Variants in SLMAP observed in about 807,000 individuals in gnomAD.
SLMAP encodes the protein sarcolemma associated protein, also known as sarcolemmal membrane-associated protein.
A neutral mutation model predicts 128.8 loss-of-function variants in SLMAP; 44 were observed. The observed-to-expected ratio is 0.34, with a 90% confidence interval of 0.27 to 0.44. The LOEUF (loss-of-function observed/expected upper bound fraction) is 0.44, where lower values mean the gene tolerates loss of function less well. Ranked by LOEUF, SLMAP falls within the 20% of genes least tolerant of loss-of-function variation. The pLI is 1.00. For synonymous variants in SLMAP, 327 were observed against 348.8 expected (o/e 0.94, Z 0.70); for missense variants, 787 against 985.3 (o/e 0.80, Z 2.69).
intron 2 of SLMAP, among the ~76,000 whole-genome samples, chr3:57,807,409 A>G (rs553217749): frequency 2.2e-4 from 34 of 152,314 alleles, no homozygotes; most frequent in South Asian, 1.0e-3. Context: ...TTGCCCATTC[A>G]GTATGATATT....
At chr3:57,841,393 G>A in intron 4 of SLMAP, 22 bp downstream of exon 4, 5 of 1,500,124 alleles carry the variant, frequency 3.3e-6, no homozygotes, top group Non-Finnish European at 4.6e-6. Flanking sequence ...TTAGTACTGT[G>A]AAGTTTTTGT....
intron 15 of SLMAP, among the ~76,000 whole-genome samples, chr3:57,892,351 A>G (rs932825261): frequency 6.6e-6 from 1 of 152,164 alleles, no homozygotes; most frequent in African/African-American, 2.4e-5. Context: ...TGTATCACCT[A>G]ATGCAAAATG....
Position 57,864,593 on chromosome 3 carries a change from G to A in SLMAP, c.1012G>A (p.Glu338Lys). 6.3e-7 allele frequency: 1 copy of A among 1,589,652 alleles called. No individual in the cohort carries two copies. The highest frequency in any genetic ancestry group is 2.2e-5 in the East Asian group (1 of 44,572). Reference sequence around the variant, plus strand: ...GGAAATCCAACAGAAGGGACAGGCTGAGAAAAAAGAATTACAACATAAAAT... The same window carrying A: ...GGAAATCCAACAGAAGGGACAGGCTAAGAAAAAAGAATTACAACATAAAAT... ...QEEIQQKGQA[E>K]KKELQHKIDE... is the part of the protein sequence containing the mutation. The change falls in exon 11 of 25, where the codon GAG becomes AAG. Residue 338 changes from glutamate (E) to lysine (K), a missense_variant. Around this residue, in one of 2 missense-constraint regions of SLMAP, gnomAD observed 715 missense variants for 843.6 expected, o/e 0.85. Coordinates refer to ENST00000671191, the MANE Select transcript of SLMAP (RefSeq NM_001377540.1).
At chr3:57,846,305 A>G (rs1190983754) in intron 4 of SLMAP, among the ~76,000 whole-genome samples, 1 of 152,190 alleles carries the variant, frequency 6.6e-6, no homozygotes, top group East Asian at 1.9e-4. Context: ...ACTGGTACCA[A>G]TTAATGCCAT....
intron 3 of SLMAP, among the ~76,000 whole-genome samples, chr3:57,832,137 G>C (rs865964960): frequency 1.3e-5 from 2 of 152,190 alleles, no homozygotes; most frequent in Non-Finnish European, 2.9e-5. Context: ...GGTCTCACTG[G>C]CCACATGGGT....
Position 57,912,585 on chromosome 3 carries a change from G to T in SLMAP, c.1904G>T (p.Arg635Leu). The change falls in exon 20 of 25, where the codon CGG (arginine) becomes CTG (leucine). Residue 635 changes from arginine to leucine, a missense_variant. Around this residue, in one of 2 missense-constraint regions of SLMAP, gnomAD observed 715 missense variants for 843.6 expected, o/e 0.85. Transcript: ENST00000671191. ...ELKKVRAELERWRKAASEYEK... is the reference protein window; with the variant it reads ...ELKKVRAELELWRKAASEYEK... ...AAGAAGGTGAGAGCTGAGCTTGAGC[G>T]GTGGCGGAAAGCAGCGTCTGAATAT... 1 of 1,614,114 alleles carries T rather than the reference G, an allele frequency of 6.2e-7. No individual in the cohort carries two copies. The highest frequency in any genetic ancestry group is 2.2e-5 in the East Asian group (1 of 44,870).
At chr3:57,794,313 C>A (rs1181288432) in intron 2 of SLMAP, among the ~76,000 whole-genome samples, 1 of 152,322 alleles carries the variant, frequency 6.6e-6, no homozygotes, top group Non-Finnish European at 1.5e-5. Flanking sequence ...GTAGTTACCA[C>A]AAAGACTTTG....
chr3:57,846,810 C>T (rs1485130910), intron 4 of SLMAP, among the ~76,000 whole-genome samples: 3 of 152,070 alleles, frequency 2.0e-5, no homozygotes, highest in African/African-American at 7.2e-5. Context: ...CCTCCCGCCT[C>T]AGCCTCCCAA....
At chr3:57,906,318 T>TTTTTTTTTTTG (rs1559513189) in intron 17 of SLMAP, among the ~76,000 whole-genome samples, 10 of 120,168 alleles carry the variant, frequency 8.3e-5, no homozygotes, top group African/African-American at 3.3e-4. Flanking sequence ...TTCTTTTTTT[T>TTTTTTTTTTTG]TTTTTTTTTT....
At chr3:57,847,312 C>G in intron 5 of SLMAP, 79 bp downstream of exon 5, 4 of 994,924 alleles carry the variant, frequency 4.0e-6, no homozygotes, top group Non-Finnish European at 6.3e-6. Flanking sequence ...TATGCTTTAC[C>G]TAGAAATTTA....
At position 57,765,418 on chromosome 3, in the gene SLMAP, T is replaced by G. The variant is rs182361957; in HGVS notation, c.198+7569T>G. ...AAAAAATATGGGGTTAAGGGATAGA[T>G]TGTAGTTAGGGTCAGTCAGGGAAAG... On this transcript the variant is annotated intron_variant, in intron 2 of 24. Transcript: ENST00000671191. Among the ~76,000 whole-genome samples the G allele has an allele frequency of 4.3e-4, 65 of 151,922 alleles. No homozygotes were observed. The East Asian group carries it at 8.3e-3, about 19-fold the overall frequency.
chr3:57,852,470 C>T (rs1398313781), intron 6 of SLMAP, among the ~76,000 whole-genome samples: 1 of 152,104 alleles, frequency 6.6e-6, no homozygotes, highest in Non-Finnish European at 1.5e-5. Flanking sequence ...CCTTTTGTGC[C>T]TCATTTTCCT....
intron 3 of SLMAP, among the ~76,000 whole-genome samples, chr3:57,832,608 G>C (rs2093406535): frequency 6.6e-6 from 1 of 152,074 alleles, no homozygotes; most frequent in African/African-American, 2.4e-5. Flanking sequence ...CCTTTCATTT[G>C]TCTGAACATA....
intron 4 of SLMAP, among the ~76,000 whole-genome samples, chr3:57,844,713 T>C (rs932387626): frequency 7.3e-5 from 2 of 27,546 alleles, no homozygotes; most frequent in Non-Finnish European, 1.5e-4. Context: ...TATTTAGACT[T>C]TTTTTTTTTT....
chr3:57,864,030 C>T (rs551871829), intron 10 of SLMAP, among the ~76,000 whole-genome samples: 1 of 152,176 alleles, frequency 6.6e-6, no homozygotes, highest in African/African-American at 2.4e-5. Context: ...CCAAGTTTCT[C>T]TCTCCTGGGT....
At chr3:57,802,659 A>G (rs2088830644) in intron 2 of SLMAP, among the ~76,000 whole-genome samples, 1 of 152,138 alleles carries the variant, frequency 6.6e-6, no homozygotes, top group African/African-American at 2.4e-5. Flanking sequence ...GGTTTCCTTC[A>G]CTTAGCATTA....
intron 2 of SLMAP, among the ~76,000 whole-genome samples, chr3:57,809,911 C>T (rs2090631005): frequency 6.6e-6 from 1 of 152,208 alleles, no homozygotes; most frequent in African/African-American, 2.4e-5. Context: ...GGACACAGCA[C>T]AAGAACTTGG....
At chr3:57,886,433 CAAGATA>C (rs2095889462) in intron 14 of SLMAP, among the ~76,000 whole-genome samples, 1 of 151,818 alleles carries the variant, frequency 6.6e-6, no homozygotes, top group East Asian at 1.9e-4. Context: ...ATGGATGAAG[CAAGATA>C]AAGATGGTAT....
chr3:57,765,822 C>G (rs2153435406), intron 2 of SLMAP, among the ~76,000 whole-genome samples: 1 of 152,164 alleles, frequency 6.6e-6, no homozygotes, highest in East Asian at 1.9e-4. Context: ...TCATTTCCCT[C>G]TATATTATTT....
Sources: allele counts gnomAD v4.1 joint callset (sites outside exome capture counted in the v4.1 genomes callset), GRCh38; gene constraint gnomAD v4.1.1; regional missense constraint gnomAD v4.1.1; transcripts MANE v1.5; gene names NCBI Gene and HGNC (gene_info 2026-07-23, HGNC 2026-07-21).